Variants in GRIN2B observed in about 807,000 individuals in gnomAD.
GRIN2B encodes the protein glutamate receptor ionotropic, NMDA 2B.
Under a neutral mutation model 114.5 loss-of-function variants are expected in GRIN2B, and 5 were observed. The observed-to-expected ratio is 0.04, with a 90% CI of 0.02 to 0.09. The LOEUF (loss-of-function observed/expected upper bound fraction) is 0.09. Among genes scored for constraint, GRIN2B ranks in the 10% least tolerant of loss-of-function variants. GRIN2B has a pLI of 1.00. For synonymous variants in GRIN2B, 787 were observed against 745.1 expected (o/e 1.06, Z -0.92); for missense variants, 1,108 against 1,943.5 (o/e 0.57, Z 8.08).
At chr12:13,937,096 A>AAG (rs1491417524) in intron 2 of GRIN2B, among the ~76,000 whole-genome samples, 121 of 128,906 alleles carry the variant, frequency 9.4e-4, no homozygotes, top group African/African-American at 3.4e-3. Flanking sequence ...AAAAAAAAAA[A>AAG]GGGGGGGGGG....
At position 13,753,585 on chromosome 12, in the gene GRIN2B, C is replaced by G; in HGVS notation, c.742G>C (p.Gly248Arg). ...TYIFEVANSV[G>R]LTGYGYTWIV... ...CACGTGTAGCCATAGCCAGTCAGCC[C>G]TACTGAGTTGGCCACTTCAAAGATG... Residue 248 changes from glycine (G) to arginine (R), a missense_variant, in exon 4 of 14, where the codon GGG (glycine) becomes CGG (arginine). Transcript: ENST00000609686. This position sits in a 1 kb window ranked among gnomAD's most constrained non-coding sequence, Gnocchi z 6.2. The G allele has an allele frequency of 6.2e-7, 1 of 1,614,192 alleles. No individual in the cohort carries two copies. The highest frequency in any genetic ancestry group is 8.5e-7 in the Non-Finnish European group (1 of 1,180,024).
At chr12:13,932,986 T>TGTGTGTGTGCGC (rs61241187) in intron 2 of GRIN2B, among the ~76,000 whole-genome samples, 37 of 148,410 alleles carry the variant, frequency 2.5e-4, no homozygotes, top group South Asian at 1.9e-3. Context: ...TGTGTGTGTG[T>TGTGTGTGTGCGC]GCGTGTGCGT....
At chr12:13,814,911 A>G (rs956311065) in intron 3 of GRIN2B, among the ~76,000 whole-genome samples, 6 of 152,174 alleles carry the variant, frequency 3.9e-5, no homozygotes, top group African/African-American at 1.2e-4. Context: ...CTTCTTGTCT[A>G]TGAATGTTAT....
rs528287011 is a variant in GRIN2B at position 13,671,292 on chromosome 12, T to A, written c.1125+4453A>T. 2.6e-5 allele frequency among the ~76,000 whole-genome samples: 4 copies of A among 152,296 alleles called. No individual in the cohort carries two copies. The East Asian group carries it at 7.7e-4, about 29-fold the overall frequency. ...TCTTTGAATCTTTACAACAGCCTTATGTAAAACCCTATGTTACAAACTCAG... is the reference window on the plus strand; with the variant it reads ...TCTTTGAATCTTTACAACAGCCTTAAGTAAAACCCTATGTTACAAACTCAG... On this transcript the variant is annotated intron_variant, in intron 5 of 13. Transcript: ENST00000609686.
intron 5 of GRIN2B, among the ~76,000 whole-genome samples, chr12:13,619,258 A>AT (rs969622009): frequency 1.4e-4 from 22 of 152,230 alleles, no homozygotes; most frequent in African/African-American, 5.3e-4. Context: ...AAAATCTAGC[A>AT]TTTTGATGTT....
At chr12:13,675,574 A>G (rs1352169172) in intron 5 of GRIN2B, among the ~76,000 whole-genome samples, 171 bp downstream of exon 5, 2 of 152,212 alleles carry the variant, frequency 1.3e-5, no homozygotes, top group Non-Finnish European at 2.9e-5. Flanking sequence ...CCAAAATAGC[A>G]AGTAAATGAA....
chr12:13,592,870 T>C (rs1337813449), intron 10 of GRIN2B, among the ~76,000 whole-genome samples: 2 of 152,206 alleles, frequency 1.3e-5, no homozygotes, highest in African/African-American at 2.4e-5. Context: ...TAAACAAGCA[T>C]TCAACTTCCC....
rs1331107551 is a variant in GRIN2B, at chr12:13,858,882, A to G, written c.411+6916T>C. Reference sequence around the variant, plus strand: ...AGTAATTGCATCACCAAAGAGGTGGAACCTACTGAGCTGTTGTTTATCCAC... The same window carrying G: ...AGTAATTGCATCACCAAAGAGGTGGGACCTACTGAGCTGTTGTTTATCCAC... On this transcript the variant is annotated intron_variant, in intron 3 of 13. Coordinates refer to ENST00000609686, the MANE Select transcript of GRIN2B (RefSeq NM_000834.5). Among the ~76,000 whole-genome samples the G allele has an allele frequency of 7.2e-5, 11 of 152,312 alleles. No homozygotes were observed. The East Asian group carries it at 2.1e-3, about 29-fold the overall frequency.
rs112509252 is a variant in GRIN2B, at chr12:13,567,416, A to G, written c.2360-153T>C. On this transcript the variant is annotated intron_variant, in intron 12 of 13. Coordinates refer to ENST00000609686, the MANE Select transcript of GRIN2B (RefSeq NM_000834.5). ...AAAAGAAAGGAAATGAATAAAGTTA[A>G]CAGTAATCTTATTAATGCCATTACA... 0.01 allele frequency among the ~76,000 whole-genome samples: 1,584 copies of G among 152,370 alleles called. 34 individuals are homozygous for G. Among genetic ancestry groups the G allele is most frequent in the African/African-American group, 0.036 (1,492 of 41,592 alleles).
At position 13,866,029 on chromosome 12, in the gene GRIN2B, G is replaced by A; in HGVS notation, c.180C>T (p.His60=). Residue 60 remains histidine, a synonymous_variant, in exon 3 of 14, where the codon CAC becomes CAT. Transcript: ENST00000609686. The stretch of plus-strand genomic sequence containing the variant: ...CCACCCGGGGTACCACGGAGAGATG[G>A]TGGAAATCATCTTTCTCGTGGGCAT... ...IKDAHEKDDF[H]HLSVVPRVEL... 3 of 1,613,984 alleles carry A rather than the reference G, an allele frequency of 1.9e-6. No individual in the cohort carries two copies. Among genetic ancestry groups the A allele is most frequent in the Non-Finnish European group, 2.5e-6 (3 of 1,179,862 alleles).
chr12:13,648,175 C>G (rs889847237), intron 5 of GRIN2B, among the ~76,000 whole-genome samples: 2 of 151,994 alleles, frequency 1.3e-5, no homozygotes, highest in African/African-American at 4.8e-5. Flanking sequence ...AGTATAAACC[C>G]TAGCTCTATC....
At chr12:13,652,860 A>G (rs967482362) in intron 5 of GRIN2B, among the ~76,000 whole-genome samples, 4 of 152,210 alleles carry the variant, frequency 2.6e-5, no homozygotes, top group Non-Finnish European at 5.9e-5. Context: ...CTTCCTTTCC[A>G]ACTATCCTTC....
intron 3 of GRIN2B, among the ~76,000 whole-genome samples, chr12:13,836,726 T>C (rs1276951969): frequency 6.6e-6 from 1 of 152,188 alleles, no homozygotes; most frequent in Non-Finnish European, 1.5e-5. Flanking sequence ...TTCTCTTCTG[T>C]TGGGACCTGG....
chr12:13,708,338 G>A (rs920484727), intron 4 of GRIN2B, among the ~76,000 whole-genome samples: 4 of 151,958 alleles, frequency 2.6e-5, no homozygotes, highest in Admixed American at 6.6e-5. Flanking sequence ...AATTGAGTTC[G>A]ACCTGAGAGA....
At chr12:13,636,569 G>C (rs1949667826) in intron 5 of GRIN2B, among the ~76,000 whole-genome samples, 1 of 152,128 alleles carries the variant, frequency 6.6e-6, no homozygotes, top group South Asian at 2.1e-4. Flanking sequence ...GGATATGTTT[G>C]ACAGGTGGAG....
chr12:13,608,029 A>AG (rs60217508), intron 10 of GRIN2B, among the ~76,000 whole-genome samples: 152,321 of 152,324 alleles, frequency 1, 76,159 homozygotes, highest in Middle Eastern at 1. Context: ...ATAGGCCCGC[A>AG]GAGGCCTGCA....
At chr12:13,597,122 C>T (rs901502916) in intron 10 of GRIN2B, among the ~76,000 whole-genome samples, 4 of 152,170 alleles carry the variant, frequency 2.6e-5, no homozygotes, top group African/African-American at 9.7e-5. Context: ...CTCTCCTCAT[C>T]TGTAAAACGA....
rs531401577 is a variant in GRIN2B at position 13,610,588 on chromosome 12, A to G, written c.1780+1137T>C. On this transcript the variant is annotated intron_variant, in intron 9 of 13. Coordinates refer to ENST00000609686, the MANE Select transcript of GRIN2B (RefSeq NM_000834.5). ...CCAACTCCCACCTCAGAATACACAA[A>G]CCAAATTAAAAGGTAGGTCTGCACT... 3.3e-5 allele frequency among the ~76,000 whole-genome samples: 5 copies of G among 152,252 alleles called. No individual in the cohort carries two copies. The East Asian group carries it at 9.6e-4, about 29-fold the overall frequency.
At chr12:13,965,462 A>T (rs1208164408) in intron 2 of GRIN2B, among the ~76,000 whole-genome samples, 2 of 151,930 alleles carry the variant, frequency 1.3e-5, no homozygotes, top group African/African-American at 4.8e-5. Context: ...ACCTGGGGTT[A>T]TTTATCATAT....
Sources: allele counts gnomAD v4.1 joint callset (sites outside exome capture counted in the v4.1 genomes callset), GRCh38; gene constraint gnomAD v4.1.1; non-coding constraint Gnocchi (gnomAD v3.1); transcripts MANE v1.5; gene names NCBI Gene and HGNC (gene_info 2026-07-23, HGNC 2026-07-21).